The following DCC variants were observed in gnomAD, a reference collection of about 807,000 sequenced individuals.
The protein encoded by DCC is DCC netrin 1 receptor, also known as netrin receptor DCC.
A neutral mutation model predicts 172.5 loss-of-function variants in DCC; 58 were observed. That is an observed-to-expected ratio of 0.34 (90% CI 0.27 to 0.42). The LOEUF (loss-of-function observed/expected upper bound fraction) is 0.42. DCC is among the 10% of genes least tolerant of loss of function. DCC has a pLI of 1.00. For synonymous variants in DCC, 709 were observed against 644.5 expected, an observed-to-expected ratio of 1.10 and a Z score of -1.52; for missense variants, 1,740 against 1,791.0, an observed-to-expected ratio of 0.97 and a Z score of 0.51.
At chr18:52,622,193 C>T (rs2034492573) in intron 1 of DCC, among the ~76,000 whole-genome samples, 2 of 152,122 alleles carry the variant, frequency 1.3e-5, no homozygotes, top group African/African-American at 2.4e-5. Context: ...AGTTTTTCTT[C>T]ATTTTTTCCT....
At chr18:52,930,283 A>T (rs2040288313) in intron 5 of DCC, among the ~76,000 whole-genome samples, 1 of 151,890 alleles carries the variant, frequency 6.6e-6, no homozygotes, top group Non-Finnish European at 1.5e-5. Flanking sequence ...TATATTGTGG[A>T]ACATTATCAT....
At chr18:53,169,777 T>G (rs2144438179) in intron 8 of DCC, among the ~76,000 whole-genome samples, 1 of 152,296 alleles carries the variant, frequency 6.6e-6, no homozygotes, top group Admixed American at 6.5e-5. Context: ...TTGGGTAAAC[T>G]TCTCATTATT....
chr18:52,648,712 G>A (rs762774671), intron 1 of DCC, among the ~76,000 whole-genome samples: 20 of 152,096 alleles, frequency 1.3e-4, no homozygotes, highest in Non-Finnish European at 2.6e-4. Context: ...GAGGGAAAGG[G>A]GATGAGAAAT....
At chr18:53,427,236 T>C (rs1009634112) in intron 21 of DCC, among the ~76,000 whole-genome samples, 1 of 152,132 alleles carries the variant, frequency 6.6e-6, no homozygotes, top group African/African-American at 2.4e-5. Flanking sequence ...TTTTAGATTT[T>C]AATAAAGACT....
intron 13 of DCC, among the ~76,000 whole-genome samples, chr18:53,316,688 G>T (rs2057347661): frequency 1.3e-5 from 2 of 152,192 alleles, no homozygotes; most frequent in African/African-American, 4.8e-5. Flanking sequence ...CTTGTAAGTT[G>T]TATTCCTAGG....
At chr18:53,141,780 T>C (rs985187731) in intron 7 of DCC, among the ~76,000 whole-genome samples, 1 of 152,208 alleles carries the variant, frequency 6.6e-6, no homozygotes. Flanking sequence ...GTTGTGTGTT[T>C]ACAAAAAAAT....
intron 1 of DCC, among the ~76,000 whole-genome samples, chr18:52,444,060 G>A (rs1988049507): frequency 6.6e-6 from 1 of 152,178 alleles, no homozygotes; most frequent in Admixed American, 6.5e-5. Flanking sequence ...TCTGTCTCAA[G>A]AACCTGGACT....
chr18:53,222,286 A>G (rs367951386), intron 12 of DCC, among the ~76,000 whole-genome samples: 17 of 152,176 alleles, frequency 1.1e-4, no homozygotes, highest in East Asian at 9.6e-4. Flanking sequence ...TTCAAAGCAT[A>G]TCTTTGTATT....
rs2046530959 is a variant in DCC at position 53,532,142 on chromosome 18, C to G, written c.*1489C>G. Reference sequence around the variant, plus strand: ...ATGAGAGAGTTTCAGCTGAATTATTCCTTTCAGCTCTGCCTTTGATTTCAA... The same window carrying G: ...ATGAGAGAGTTTCAGCTGAATTATTGCTTTCAGCTCTGCCTTTGATTTCAA... On this transcript the variant is annotated 3_prime_UTR_variant, in exon 29 of 29. Transcript: ENST00000442544. The G allele has an allele frequency of 6.6e-6, 1 of 152,090 alleles. No homozygotes were observed. Among genetic ancestry groups the G allele is most frequent in the Non-Finnish European group, 1.5e-5 (1 of 68,016 alleles). The allele number at this position is 152,090 out of a possible 1,614,324, so 9.4% of individuals were successfully genotyped here.
At chr18:53,206,330 CACATATATGTATATATGTATATAT>C (rs2055635104) in intron 10 of DCC, among the ~76,000 whole-genome samples, 23 of 82,852 alleles carry the variant, frequency 2.8e-4, no homozygotes, top group African/African-American at 9.8e-4. Context: ...TGTATTGTAA[CACATATATGTATATATGTATATAT>C]ACATATATGT....
chr18:53,239,199 TAAAA>T (rs1320528020), intron 12 of DCC, among the ~76,000 whole-genome samples: 1 of 117,494 alleles, frequency 8.5e-6, no homozygotes, highest in Non-Finnish European at 1.8e-5. Context: ...ATAATAATAA[TAAAA>T]ATAAATAAAT....
At chr18:52,952,982 A>G (rs1301002765) in intron 5 of DCC, among the ~76,000 whole-genome samples, 3 of 134,022 alleles carry the variant, frequency 2.2e-5, no homozygotes, top group Non-Finnish European at 4.6e-5. Flanking sequence ...TGGGCACCAC[A>G]GTAAGACTCT....
chr18:53,076,744 A>G (rs772643356), intron 7 of DCC, among the ~76,000 whole-genome samples: 11 of 152,198 alleles, frequency 7.2e-5, no homozygotes, highest in Non-Finnish European at 1.2e-4. Context: ...ACCTTTTCAG[A>G]AGAGAAGTCA....
At chr18:53,349,868 C>T (rs550388962) in intron 15 of DCC, among the ~76,000 whole-genome samples, 87 of 152,202 alleles carry the variant, frequency 5.7e-4, no homozygotes, top group South Asian at 1.5e-3. Context: ...GAGATTTGGG[C>T]GGGGACACAG....
intron 11 of DCC, among the ~76,000 whole-genome samples, chr18:53,209,638 A>G (rs2055714176): frequency 6.6e-6 from 1 of 152,216 alleles, no homozygotes; most frequent in Non-Finnish European, 1.5e-5. Context: ...TGTATTTTAT[A>G]CGTAATACCA....
At chr18:52,710,080 T>C (rs1431232370) in intron 1 of DCC, among the ~76,000 whole-genome samples, 3 of 152,224 alleles carry the variant, frequency 2.0e-5, no homozygotes, top group Non-Finnish European at 4.4e-5. Context: ...TCCTCCACCT[T>C]GATCCAGTGT....
At chr18:52,372,813 G>C (rs958287314) in intron 1 of DCC, among the ~76,000 whole-genome samples, 2 of 152,144 alleles carry the variant, frequency 1.3e-5, no homozygotes, top group Non-Finnish European at 2.9e-5. Flanking sequence ...AATTTGATTT[G>C]TATACCTCGG....
intron 2 of DCC, among the ~76,000 whole-genome samples, chr18:52,756,667 C>A (rs561983926): frequency 6.6e-6 from 1 of 152,148 alleles, no homozygotes; most frequent in Non-Finnish European, 1.5e-5. Flanking sequence ...TAACCCTTAC[C>A]GTGAAAATGA....
At chr18:52,395,850 GCAACCTATTCTACAATCCAGAGCT>G (rs1465221896) in intron 1 of DCC, among the ~76,000 whole-genome samples, 4 of 151,946 alleles carry the variant, frequency 2.6e-5, no homozygotes, top group African/African-American at 9.7e-5. Flanking sequence ...TCCATTTAAT[GCAACCTATTCTACAATCCAGAGCT>G]CAACCTATTC....
Sources: allele counts gnomAD v4.1 joint callset (sites outside exome capture counted in the v4.1 genomes callset), GRCh38; gene constraint gnomAD v4.1.1; transcripts MANE v1.5; gene names NCBI Gene and HGNC (gene_info 2026-07-23, HGNC 2026-07-21).